KCNIP4: variants seen among roughly 807,000 people sequenced by gnomAD.
The protein encoded by KCNIP4 is Kv channel-interacting protein 4.
A neutral mutation model predicts 34.0 loss-of-function variants in KCNIP4; 12 were observed. The ratio of observed to expected loss-of-function variants is 0.35; its 90% CI spans 0.23 to 0.57. The LOEUF (loss-of-function observed/expected upper bound fraction) is 0.57. KCNIP4 is among the 20% of genes least tolerant of loss of function. The pLI is 0.83. For synonymous variants in KCNIP4, 124 were observed against 102.2 expected, an observed-to-expected ratio of 1.21 and a Z score of -1.29; for missense variants, 238 against 311.7, an observed-to-expected ratio of 0.76 and a Z score of 1.78.
chr4:21,065,217 C>T (rs114843526), intron 1 of KCNIP4, among the ~76,000 whole-genome samples: 65 of 152,070 alleles, frequency 4.3e-4, no homozygotes, highest in Middle Eastern at 6.9e-3. Context: ...TTGTGGTGAA[C>T]GTACAAGTGT....
intron 1 of KCNIP4, among the ~76,000 whole-genome samples, chr4:21,745,505 T>C (rs1716710144): frequency 6.6e-6 from 1 of 152,150 alleles, no homozygotes; most frequent in Non-Finnish European, 1.5e-5. Flanking sequence ...CATAAAAATC[T>C]TAAATTAAAG....
At chr4:21,404,081 A>G (rs1324318722) in intron 1 of KCNIP4, among the ~76,000 whole-genome samples, 1 of 152,142 alleles carries the variant, frequency 6.6e-6, no homozygotes, top group Non-Finnish European at 1.5e-5. Flanking sequence ...GAATGCTCCA[A>G]GCACACTCCC....
chr4:21,742,045 CAAACAAACAAACAA>C, intron 1 of KCNIP4, among the ~76,000 whole-genome samples: 1 of 152,032 alleles, frequency 6.6e-6, no homozygotes, highest in Middle Eastern at 3.4e-3. Context: ...TCAAAATAAA[CAAACAAACAAACAA>C]AAACAAACAA....
chr4:21,817,460 C>G (rs184791783), intron 1 of KCNIP4, among the ~76,000 whole-genome samples: 1 of 152,036 alleles, frequency 6.6e-6, no homozygotes, highest in African/African-American at 2.4e-5. Context: ...AGAATAACAA[C>G]GATTTTTAGG....
intron 1 of KCNIP4, among the ~76,000 whole-genome samples, chr4:21,061,593 C>G (rs981013202): frequency 6.0e-4 from 91 of 152,162 alleles, no homozygotes; most frequent in African/African-American, 2.1e-3. Context: ...GGCTTTTAAT[C>G]AAGCTGGAAC....
intron 1 of KCNIP4, among the ~76,000 whole-genome samples, chr4:20,885,387 T>TCAGTAGGCCCACCTG (rs1577314913): frequency 6.6e-6 from 1 of 152,228 alleles, no homozygotes; most frequent in Non-Finnish European, 1.5e-5. Flanking sequence ...TTTCTGACAA[T>TCAGTAGGCCCACCTG]GAATGGCTTC....
chr4:20,815,538 TC>T (rs1716268479), intron 3 of KCNIP4, among the ~76,000 whole-genome samples: 1 of 152,086 alleles, frequency 6.6e-6, no homozygotes, highest in African/African-American at 2.4e-5. Flanking sequence ...CTGCTGTGGG[TC>T]TCATATAATA....
intron 1 of KCNIP4, among the ~76,000 whole-genome samples, chr4:21,047,528 A>T (rs1008410764): frequency 6.6e-6 from 1 of 152,208 alleles, no homozygotes; most frequent in Admixed American, 6.5e-5. Flanking sequence ...AGAGACTTGA[A>T]TGGTGAGTCT....
At chr4:20,795,572 A>G (rs1713346592) in intron 3 of KCNIP4, among the ~76,000 whole-genome samples, 1 of 152,084 alleles carries the variant, frequency 6.6e-6, no homozygotes, top group African/African-American at 2.4e-5. Flanking sequence ...AATTTCTTAA[A>G]TCTGAATTGT....
chr4:21,389,046 A>G (rs767336954), intron 1 of KCNIP4, among the ~76,000 whole-genome samples: 50 of 151,882 alleles, frequency 3.3e-4, no homozygotes, highest in Non-Finnish European at 6.5e-4. Context: ...GTTCAGTGGC[A>G]CAATCAAGGC....
At chr4:20,742,649 T>A (rs1308608499) in intron 5 of KCNIP4, among the ~76,000 whole-genome samples, 1 of 152,146 alleles carries the variant, frequency 6.6e-6, no homozygotes, top group Admixed American at 6.6e-5. Flanking sequence ...CTTTGAAAAC[T>A]GGCACAAGAC....
intron 1 of KCNIP4, among the ~76,000 whole-genome samples, chr4:21,260,803 C>A (rs1432782097): frequency 2.0e-5 from 3 of 152,194 alleles, no homozygotes; most frequent in Admixed American, 6.5e-5. Flanking sequence ...AATTCAAACT[C>A]TTTTCGTTTA....
chr4:21,899,235 T>G (rs1446421102), intron 1 of KCNIP4, among the ~76,000 whole-genome samples: 1 of 152,012 alleles, frequency 6.6e-6, no homozygotes, highest in Non-Finnish European at 1.5e-5. Context: ...ACAATCAACA[T>G]CCCTTCATGA....
intron 3 of KCNIP4, among the ~76,000 whole-genome samples, chr4:20,786,585 A>G (rs887090357): frequency 6.6e-6 from 1 of 152,202 alleles, no homozygotes; most frequent in African/African-American, 2.4e-5. Flanking sequence ...CAGAAAAAGA[A>G]GAAAATCATC....
intron 1 of KCNIP4, among the ~76,000 whole-genome samples, chr4:21,595,024 C>T (rs1009661809): frequency 2.0e-5 from 3 of 152,002 alleles, no homozygotes; most frequent in Admixed American, 6.6e-5. Context: ...GCAGAATGTG[C>T]AGGTTTGTTA....
intron 1 of KCNIP4, among the ~76,000 whole-genome samples, chr4:21,167,487 G>T (rs1753713787): frequency 6.6e-6 from 1 of 152,290 alleles, no homozygotes; most frequent in Admixed American, 6.5e-5. Flanking sequence ...CAGAGGCCTA[G>T]AGATAGTTTT....
At chr4:21,765,848 A>G (rs1235664206) in intron 1 of KCNIP4, among the ~76,000 whole-genome samples, 1 of 150,650 alleles carries the variant, frequency 6.6e-6, no homozygotes, top group African/African-American at 2.4e-5. Flanking sequence ...AACAAACTGA[A>G]GATGTGTATG....
At chr4:21,785,197 A>T (rs1177229879) in intron 1 of KCNIP4, among the ~76,000 whole-genome samples, 1 of 152,094 alleles carries the variant, frequency 6.6e-6, no homozygotes, top group Admixed American at 6.6e-5. Flanking sequence ...CATACCACAG[A>T]ATTCACCCAT....
chr4:20,822,746 T>C (rs557652221), intron 3 of KCNIP4, among the ~76,000 whole-genome samples: 3 of 152,142 alleles, frequency 2.0e-5, no homozygotes, highest in Non-Finnish European at 4.4e-5. Context: ...TGGAATATTA[T>C]TGTTTGAATA....
Sources: gnomAD v4.1 joint callset for allele counts (sites outside exome capture counted in the v4.1 genomes callset) on GRCh38, gnomAD v4.1.1 for gene constraint, MANE v1.5 for transcripts, NCBI Gene and HGNC (gene_info 2026-07-23, HGNC 2026-07-21) for gene names.